The following RPAIN variants were observed in gnomAD, a reference collection of about 807,000 sequenced individuals.
RPAIN encodes the protein RPA-interacting protein.
In RPAIN, 29 loss-of-function variants were observed where a neutral mutation model predicts 30.5. The observed-to-expected ratio is 0.95, with a 90% CI of 0.71 to 1.30. RPAIN has a LOEUF of 1.30. RPAIN is among the 50% of genes most tolerant of loss of function. The pLI is 0.00. For missense variants in RPAIN, 247 were observed against 264.7 expected (o/e 0.93, Z 0.46); for synonymous variants, 101 against 93.5 (o/e 1.08, Z -0.46).
intron 1 of RPAIN, among the ~76,000 whole-genome samples, 200 bp downstream of exon 1, chr17:5,420,491 TG>T (rs1281084646): frequency 6.6e-6 from 1 of 151,992 alleles, no homozygotes; most frequent in Non-Finnish European, 1.5e-5. Context: ...GATTCGATTT[TG>T]TTTTGAATTT....
chr17:5,427,944 T>C (rs983199545), intron 5 of RPAIN, 127 bp from the exon 6 acceptor site: 42 of 873,334 alleles, frequency 4.8e-5, no homozygotes, highest in Non-Finnish European at 7.2e-5. Flanking sequence ...CCCGAGTGTC[T>C]TTAAGGCTCC....
intron 6 of RPAIN, 45 bp downstream of exon 6, chr17:5,428,256 G>C (rs1227146237): frequency 6.2e-7 from 1 of 1,613,862 alleles, no homozygotes; most frequent in Non-Finnish European, 8.5e-7. Flanking sequence ...GGGACCTGTG[G>C]TTGGTTTTAT....
chr17:5,422,917 C>T lies in RPAIN; in HGVS notation c.313+88C>T, dbSNP rs980168416. ...TCCAATCAGGATTAGTTTATAAGTC[C>T]CCTTTGTCTACCTCCATCAGTCAAG... On this transcript the variant is annotated intron_variant, in intron 3 of 6. Coordinates refer to ENST00000381209, the MANE Select transcript of RPAIN (RefSeq NM_001033002.4). 4 of 1,048,570 alleles carry T rather than the reference C, an allele frequency of 3.8e-6. No individual in the cohort carries two copies. In the African/African-American group the frequency reaches 4.7e-5, roughly 12 times the overall value. 65.0% of individuals were successfully genotyped at this position (1,048,570 alleles called of 1,614,324 possible). A position where few individuals can be genotyped will look rare whatever the true frequency, so the allele number is the denominator to read the frequency against.
At position 5,422,765 on chromosome 17, in the gene RPAIN, C is replaced by T. The variant is rs766771268; in HGVS notation, c.253-4C>T. 1.2e-6 allele frequency: 2 copies of T among 1,612,860 alleles called. No homozygotes were observed. The highest frequency in any genetic ancestry group is 1.7e-6 in the Non-Finnish European group (2 of 1,179,130). On this transcript the variant is annotated splice_region_variant and splice_polypyrimidine_tract_variant and intron_variant, in intron 2 of 6. Coordinates refer to ENST00000381209, the MANE Select transcript of RPAIN (RefSeq NM_001033002.4). Reference sequence around the variant, plus strand: ...ACTTCTGATGCCGCTCCTTTCTCTTCCAGCTGGAGGAGCTGATAGACATGG... The same window carrying T: ...ACTTCTGATGCCGCTCCTTTCTCTTTCAGCTGGAGGAGCTGATAGACATGG...
At chr17:5,431,876 C>T (rs900801431) in intron 6 of RPAIN, 3 of 326,444 alleles carry the variant, frequency 9.2e-6, no homozygotes, top group African/African-American at 6.6e-5. Context: ...GAGTAACCCA[C>T]TTATGCCTAC....
chr17:5,422,931 C>A, intron 3 of RPAIN, 102 bp downstream of exon 3: 1 of 915,140 alleles, frequency 1.1e-6, no homozygotes, highest in South Asian at 1.6e-5. Flanking sequence ...TTGTCTACCT[C>A]CATCAGTCAA....
At chr17:5,428,732 C>G (rs187094489) in intron 6 of RPAIN, 2 of 1,015,324 alleles carry the variant, frequency 2.0e-6, no homozygotes, top group Admixed American at 1.0e-4. Flanking sequence ...ACCAATATCT[C>G]TTATAATCCA....
At position 5,420,341 on chromosome 17, in the gene RPAIN, G is replaced by A. The variant is rs774641125; in HGVS notation, c.81+50G>A. The A allele has an allele frequency of 3.3e-6, 5 of 1,516,032 alleles. No homozygotes were observed. In the Admixed American group the frequency reaches 5.2e-5, roughly 16 times the overall value. The allele number at this position is 1,516,032 out of a possible 1,614,324, so 93.9% of individuals were successfully genotyped here. On this transcript the variant is annotated intron_variant, in intron 1 of 6. Coordinates refer to ENST00000381209, the MANE Select transcript of RPAIN (RefSeq NM_001033002.4). ...TCTACCCTAGATCGTCCCGGTGACC[G>A]CCGTCTTCCCTGCCTTCGCCTTAGC... is the stretch of plus-strand genomic sequence containing the variant.
chr17:5,428,605 A>T, intron 6 of RPAIN: 1 of 979,288 alleles, frequency 1.0e-6, no homozygotes, highest in Non-Finnish European at 1.3e-6. Context: ...TTTGTCTGTC[A>T]GTGGAGTTTT....
rs1014485759 is a variant in RPAIN, at chr17:5,423,351, A to T, written c.313+522A>T. Among the ~76,000 whole-genome samples the T allele has an allele frequency of 4.0e-3, 291 of 73,156 alleles. 4 individuals are homozygous for T. The highest frequency in any genetic ancestry group is 0.036 in the Admixed American group (242 of 6,748). The allele number at this position is 73,156 out of a possible 152,430, so 48.0% of individuals were successfully genotyped here. The stretch of plus-strand genomic sequence containing the variant: ...ACAAGATCCTGTCTCTACAGAAGTA[A>T]AAAAAAAAAAAAAAAAATTATCTGG... On this transcript the variant is annotated intron_variant, in intron 3 of 6. Transcript: ENST00000381209.
At chr17:5,425,068 C>T (rs1464715520) in intron 3 of RPAIN, 1 of 286,030 alleles carries the variant, frequency 3.5e-6, no homozygotes, top group Non-Finnish European at 6.8e-6. Context: ...TGGTCTCTGG[C>T]ACAATTTCTC....
chr17:5,422,454 CA>C (rs1397044439), intron 2 of RPAIN, among the ~76,000 whole-genome samples: 1 of 152,150 alleles, frequency 6.6e-6, no homozygotes, highest in Admixed American at 6.5e-5. Flanking sequence ...TTACAGAGGC[CA>C]AAACTGAGAT....
intron 6 of RPAIN, chr17:5,431,078 T>G: frequency 4.1e-6 from 1 of 245,288 alleles, no homozygotes; most frequent in Non-Finnish European, 7.9e-6. Flanking sequence ...GGAGGTGAGG[T>G]TTGGAAGGTG....
At chr17:5,422,335 T>C (rs1914948729) in intron 2 of RPAIN, among the ~76,000 whole-genome samples, 1 of 152,222 alleles carries the variant, frequency 6.6e-6, no homozygotes, top group Admixed American at 6.5e-5. Context: ...TGTGTAATAA[T>C]GATGCATTAT....
rs769281001 is a variant in RPAIN at position 5,428,145 on chromosome 17, C to CCA, written c.570_571dup (p.Pro191HisfsTer18). ...TAAATGAGCACAGTGCACATTGTCC[C>CCA]CACACACCTGAATTTTCAGTCACTG... On this transcript the variant is annotated frameshift_variant, in exon 6 of 7. Transcript: ENST00000381209. LOFTEE classifies it high-confidence loss of function. 3.7e-6 allele frequency: 6 copies of CCA among 1,614,094 alleles called. No homozygotes were observed. Among genetic ancestry groups the CCA allele is most frequent in the Non-Finnish European group, 5.1e-6 (6 of 1,179,992 alleles).
chr17:5,432,039 C>T, intron 6 of RPAIN: 1 of 224,800 alleles, frequency 4.4e-6, no homozygotes, highest in Non-Finnish European at 8.8e-6. Context: ...AGTGGAGAGG[C>T]TGAGCCACCC....
In RPAIN at chr17:5,425,870, T is replaced by G. The variant is rs1915333589; in HGVS notation, c.314-101T>G. ...CATTGGTATTGTGGTCTTGCCCAAA[T>G]CTTTCCCTCGTGTGAAGGAAGCCTT... On this transcript the variant is annotated intron_variant, in intron 3 of 6. Transcript: ENST00000381209. 9.5e-6 allele frequency: 7 copies of G among 734,422 alleles called. No homozygotes were observed. The East Asian group carries it at 1.9e-4, about 20-fold the overall frequency. The allele number at this position is 734,422 out of a possible 1,614,324, so 45.5% of individuals were successfully genotyped here. A position where few individuals can be genotyped will look rare whatever the true frequency, so the allele number is the denominator to read the frequency against.
intron 6 of RPAIN, chr17:5,431,722 CTA>C (rs1347538572): frequency 4.5e-6 from 2 of 443,958 alleles, no homozygotes; most frequent in Non-Finnish European, 9.0e-6. Context: ...AGATTGCACT[CTA>C]TCACAAGACG....
intron 6 of RPAIN, 108 bp downstream of exon 6, chr17:5,428,319 T>A: frequency 6.4e-7 from 1 of 1,567,906 alleles, no homozygotes; most frequent in South Asian, 1.2e-5. Flanking sequence ...TTAATGCAGT[T>A]TATTATCTGA....
Sources: gnomAD v4.1 joint callset for allele counts (sites outside exome capture counted in the v4.1 genomes callset) on GRCh38, gnomAD v4.1.1 for gene constraint, MANE v1.5 for transcripts, NCBI Gene and HGNC (gene_info 2026-07-23, HGNC 2026-07-21) for gene names.